The following NTRK2 variants were observed in gnomAD, a reference collection of about 807,000 sequenced individuals.
NTRK2 encodes BDNF/NT-3 growth factors receptor.
NTRK2 carries 13 observed loss-of-function variants against 94.5 expected under a neutral mutation model. The observed-to-expected ratio is 0.14, with a 90% CI of 0.09 to 0.22. NTRK2 has a LOEUF of 0.22. Among genes scored for constraint, NTRK2 ranks in the 10% least tolerant of loss-of-function variants. NTRK2 has a pLI of 1.00. For missense variants in NTRK2, 639 were observed against 1,071.2 expected (o/e 0.60, Z 5.63); for synonymous variants, 372 against 407.4 (o/e 0.91, Z 1.05).
At chr9:84,938,747 C>T (rs1049959229) in intron 15 of NTRK2, among the ~76,000 whole-genome samples, 5 of 151,976 alleles carry the variant, frequency 3.3e-5, no homozygotes, top group Admixed American at 2.0e-4. Flanking sequence ...AAAATAATAG[C>T]CTTTTGATAA....
chr9:84,754,302 CT>C (rs34302450), intron 12 of NTRK2, among the ~76,000 whole-genome samples: 4,316 of 144,074 alleles, frequency 0.03, 74 homozygotes, highest in Admixed American at 0.051. Flanking sequence ...GTCTCAGAGA[CT>C]TTTTTTTTTT....
At chr9:84,875,380 G>A in intron 14 of NTRK2, 1 of 1,061,466 alleles carries the variant, frequency 9.4e-7, no homozygotes, top group Non-Finnish European at 1.1e-6. Flanking sequence ...AGCACATGAG[G>A]CCTGTGTTAT....
intron 17 of NTRK2, among the ~76,000 whole-genome samples, chr9:84,995,583 C>T (rs567176672): frequency 1.6e-4 from 24 of 152,146 alleles, no homozygotes; most frequent in Non-Finnish European, 2.2e-4. Flanking sequence ...CTGGGTCTGC[C>T]ACACACTTGG....
At chr9:84,863,658 C>T (rs2075434796) in intron 13 of NTRK2, among the ~76,000 whole-genome samples, 1 of 152,186 alleles carries the variant, frequency 6.6e-6, no homozygotes, top group Non-Finnish European at 1.5e-5. Context: ...CTGTGCTTTG[C>T]ATTCCATTAT....
At chr9:84,719,354 G>T (rs2061911940) in intron 6 of NTRK2, among the ~76,000 whole-genome samples, 1 of 152,020 alleles carries the variant, frequency 6.6e-6, no homozygotes. Flanking sequence ...TTCAGTGAAT[G>T]CTCAATAAAT....
At chr9:84,683,943 G>A (rs2059549485) in intron 2 of NTRK2, among the ~76,000 whole-genome samples, 1 of 152,258 alleles carries the variant, frequency 6.6e-6, no homozygotes, top group Non-Finnish European at 1.5e-5. Context: ...GCAATGATGA[G>A]TGAGGATGAT....
At chr9:84,776,262 C>T (rs2067033507) in intron 12 of NTRK2, among the ~76,000 whole-genome samples, 1 of 152,080 alleles carries the variant, frequency 6.6e-6, no homozygotes, top group Non-Finnish European at 1.5e-5. Flanking sequence ...CACTCTGTCG[C>T]CCAGGCTGGA....
chr9:84,820,368 C>T (rs2072723384), intron 12 of NTRK2, among the ~76,000 whole-genome samples: 1 of 151,954 alleles, frequency 6.6e-6, no homozygotes, highest in Admixed American at 6.6e-5. Context: ...TCGGGTTTCA[C>T]CATGTTGGCC....
chr9:84,782,417 G>A (rs1403971697), intron 12 of NTRK2, among the ~76,000 whole-genome samples: 2 of 152,180 alleles, frequency 1.3e-5, no homozygotes, highest in East Asian at 1.9e-4. Context: ...GAGGTTGCTG[G>A]CACGTTCTGC....
intron 12 of NTRK2, among the ~76,000 whole-genome samples, chr9:84,799,397 C>A (rs911546388): frequency 2.6e-5 from 4 of 152,004 alleles, no homozygotes; most frequent in East Asian, 1.9e-4. Flanking sequence ...TTTTTGAATT[C>A]TTTCTGAGAA....
intron 12 of NTRK2, among the ~76,000 whole-genome samples, chr9:84,790,337 T>C (rs1439015073): frequency 1.3e-5 from 2 of 152,192 alleles, no homozygotes; most frequent in African/African-American, 4.8e-5. Flanking sequence ...TGGATGAATT[T>C]TTGTCTGGCT....
intron 12 of NTRK2, among the ~76,000 whole-genome samples, chr9:84,803,634 A>C (rs550688004): frequency 6.6e-6 from 1 of 152,306 alleles, no homozygotes; most frequent in South Asian, 2.1e-4. Context: ...GGACTTCAGC[A>C]GTTTCACCTT....
intron 6 of NTRK2, among the ~76,000 whole-genome samples, chr9:84,716,994 C>T (rs774989058): frequency 7.9e-5 from 12 of 152,016 alleles, no homozygotes; most frequent in Non-Finnish European, 5.9e-5. Flanking sequence ...GTTCAGGAGG[C>T]AAAGAACTTG....
At chr9:84,880,546 G>T (rs997480921) in intron 14 of NTRK2, among the ~76,000 whole-genome samples, 15 of 152,282 alleles carry the variant, frequency 9.9e-5, no homozygotes, top group Middle Eastern at 3.4e-3. Flanking sequence ...AATTTCTATA[G>T]ATCTTTATGC....
chr9:84,906,825 A>T (rs1037029263), intron 14 of NTRK2, among the ~76,000 whole-genome samples: 3 of 152,210 alleles, frequency 2.0e-5, no homozygotes, highest in African/African-American at 7.2e-5. Flanking sequence ...GTCGATGGAC[A>T]GCTTTGCTTC....
intron 14 of NTRK2, among the ~76,000 whole-genome samples, chr9:84,882,719 T>TGTGTGTGTGTGTGCGCGCGCGCGC (rs761042296): frequency 4.1e-5 from 6 of 145,830 alleles, no homozygotes; most frequent in African/African-American, 1.6e-4. Context: ...TGTGTGTGTG[T>TGTGTGTGTGTGTGCGCGCGCGCGC]GCGCGCGCGC....
At chr9:84,723,774 T>C (rs1329075978) in intron 7 of NTRK2, 65 bp downstream of exon 7, 1 of 1,587,464 alleles carries the variant, frequency 6.3e-7, no homozygotes, top group Non-Finnish European at 8.6e-7. Flanking sequence ...CGAGAATGTA[T>C]TAAACCTAGT....
intron 17 of NTRK2, among the ~76,000 whole-genome samples, chr9:84,989,092 G>T (rs1300777707): frequency 6.6e-6 from 1 of 152,178 alleles, no homozygotes; most frequent in Non-Finnish European, 1.5e-5. Flanking sequence ...CTCAGCTACT[G>T]AGCAGCAAAT....
At chr9:84,744,917 T>A in intron 10 of NTRK2, 56 bp from the exon 11 acceptor site, 1 of 1,199,014 alleles carries the variant, frequency 8.3e-7, no homozygotes, top group Non-Finnish European at 1.2e-6. Flanking sequence ...CCTGTGTTTG[T>A]TGGCAGCTTA....
Sources: allele counts gnomAD v4.1 joint callset (sites outside exome capture counted in the v4.1 genomes callset), GRCh38; gene constraint gnomAD v4.1.1; transcripts MANE v1.5; gene names NCBI Gene and HGNC (gene_info 2026-07-23, HGNC 2026-07-21).